Variants in CABIN1 observed in about 807,000 individuals in gnomAD.
The protein encoded by CABIN1 is calcineurin binding protein 1.
Under a neutral mutation model 227.7 loss-of-function variants are expected in CABIN1, and 133 were observed. That is an observed-to-expected ratio of 0.58 (90% CI 0.51 to 0.67). The LOEUF is 0.67. Ranked by LOEUF, CABIN1 falls within the 30% of genes least tolerant of loss-of-function variation. CABIN1 has a pLI of 0.00. For synonymous variants in CABIN1, 1,086 were observed against 1,155.1 expected (o/e 0.94, Z 1.21); for missense variants, 2,408 against 2,852.5 (o/e 0.84, Z 3.55).
chr22:24,093,602 C>T (rs573102508), intron 24 of CABIN1, among the ~76,000 whole-genome samples: 62 of 151,894 alleles, frequency 4.1e-4, no homozygotes, highest in Non-Finnish European at 6.8e-4. Context: ...GGCATGGTGG[C>T]TCACACCTAT....
At chr22:24,147,329 TCTCCTCCCTCCC>T (rs2045200519) in intron 29 of CABIN1, among the ~76,000 whole-genome samples, 1 of 46,604 alleles carries the variant, frequency 2.1e-5, no homozygotes, top group Admixed American at 2.6e-4. Flanking sequence ...CCCTCCCTCC[TCTCCTCCCTCCC>T]TCCCTGCCTC....
chr22:24,098,666 A>G (rs992666775), intron 26 of CABIN1, among the ~76,000 whole-genome samples: 23 of 151,962 alleles, frequency 1.5e-4, no homozygotes, highest in African/African-American at 5.6e-4. Context: ...GAATCCAGAT[A>G]AGTTGTTAAT....
intron 1 of CABIN1, among the ~76,000 whole-genome samples, chr22:24,025,048 A>G (rs750280644): frequency 2.0e-5 from 3 of 152,120 alleles, no homozygotes; most frequent in Non-Finnish European, 4.4e-5. Flanking sequence ...GATGGTTTCT[A>G]TCAAATTCCT....
At chr22:24,146,340 A>G (rs1291740321) in intron 29 of CABIN1, among the ~76,000 whole-genome samples, 2 of 152,212 alleles carry the variant, frequency 1.3e-5, no homozygotes, top group African/African-American at 4.8e-5. Flanking sequence ...TGGATTCTAA[A>G]TGTATCCCCG....
chr22:24,173,389 T>C (rs1279551097), intron 34 of CABIN1: 3 of 152,140 alleles, frequency 2.0e-5, no homozygotes, highest in Non-Finnish European at 4.4e-5. Context: ...GCTTTGAGGA[T>C]TGTGAACATG....
chr22:24,137,479 A>G (rs923978332), intron 29 of CABIN1, among the ~76,000 whole-genome samples: 3 of 152,250 alleles, frequency 2.0e-5, no homozygotes, highest in African/African-American at 7.2e-5. Context: ...GGCCTGGCAC[A>G]TAGGCAATGC....
intron 26 of CABIN1, among the ~76,000 whole-genome samples, chr22:24,105,031 T>C (rs2042432990): frequency 6.6e-6 from 1 of 152,204 alleles, no homozygotes; most frequent in Non-Finnish European, 1.5e-5. Flanking sequence ...AAGTTGCATC[T>C]TGTAACTAAA....
chr22:24,032,228 G>A (rs901420878), intron 1 of CABIN1, among the ~76,000 whole-genome samples: 2 of 152,094 alleles, frequency 1.3e-5, no homozygotes, highest in Non-Finnish European at 2.9e-5. Flanking sequence ...ACCTATAAGT[G>A]GAATCATATA....
intron 23 of CABIN1, among the ~76,000 whole-genome samples, chr22:24,088,743 G>A (rs2041344992): frequency 1.3e-5 from 2 of 151,968 alleles, no homozygotes; most frequent in Non-Finnish European, 2.9e-5. Context: ...TTTCTTTCCA[G>A]ACTGTAAAAA....
chr22:24,088,606 T>TA (rs945252341), intron 23 of CABIN1, among the ~76,000 whole-genome samples: 121 of 145,364 alleles, frequency 8.3e-4, no homozygotes, highest in African/African-American at 2.1e-3. Flanking sequence ...AGACTCTGTC[T>TA]AAAAAAAAAA....
At chr22:24,094,823 CAAA>C (rs201624847) in intron 24 of CABIN1, among the ~76,000 whole-genome samples, 2 of 78,370 alleles carry the variant, frequency 2.6e-5, no homozygotes, top group Non-Finnish European at 2.9e-5. Context: ...GACTCCGTCT[CAAA>C]AAAAAAAAAA....
intron 28 of CABIN1, among the ~76,000 whole-genome samples, chr22:24,132,323 T>C (rs1287198435): frequency 6.6e-6 from 1 of 152,212 alleles, no homozygotes; most frequent in Admixed American, 6.5e-5. Context: ...GTTTTATTCC[T>C]TTTAATGAAG....
intron 15 of CABIN1, among the ~76,000 whole-genome samples, chr22:24,065,521 C>T (rs2039573553): frequency 1.3e-5 from 2 of 148,452 alleles, no homozygotes; most frequent in African/African-American, 5.0e-5. Flanking sequence ...ACTTTCCAGA[C>T]TGGGCAGCCA....
At chr22:24,095,392 G>A (rs1319441546) in intron 24 of CABIN1, among the ~76,000 whole-genome samples, 1 of 152,214 alleles carries the variant, frequency 6.6e-6, no homozygotes, top group African/African-American at 2.4e-5. Flanking sequence ...GAAAGCACAG[G>A]GCCCAATGGA....
At chr22:24,130,278 C>T (rs1459131162) in intron 28 of CABIN1, among the ~76,000 whole-genome samples, 1 of 152,162 alleles carries the variant, frequency 6.6e-6, no homozygotes, top group African/African-American at 2.4e-5. Flanking sequence ...GCTCAGTGTT[C>T]AGCACACAGC....
At chr22:24,047,550 C>G (rs572504666) in intron 6 of CABIN1, among the ~76,000 whole-genome samples, 1 of 152,222 alleles carries the variant, frequency 6.6e-6, no homozygotes, top group African/African-American at 2.4e-5. Flanking sequence ...TTTGGACCAT[C>G]TATTGAGCAG....
At chr22:24,068,285 G>A (rs2039837235) in intron 16 of CABIN1, among the ~76,000 whole-genome samples, 1 of 152,200 alleles carries the variant, frequency 6.6e-6, no homozygotes, top group South Asian at 2.1e-4. Context: ...CGGATGAGAT[G>A]TGTGTGACCT....
intron 29 of CABIN1, among the ~76,000 whole-genome samples, chr22:24,144,314 C>T (rs2267061): frequency 0.055 from 8,315 of 152,302 alleles, 285 homozygotes; most frequent in East Asian, 0.15. Context: ...CTCCTCCTTG[C>T]CTCTCCAGGA....
chr22:24,164,616 C>T (rs2046344911), intron 30 of CABIN1, 53 bp downstream of exon 30: 8 of 1,578,982 alleles, frequency 5.1e-6, no homozygotes, highest in African/African-American at 1.3e-5. Context: ...GTCAGGGGCA[C>T]ACACACCCCA....
Sources: allele counts gnomAD v4.1 joint callset (sites outside exome capture counted in the v4.1 genomes callset), GRCh38; gene constraint gnomAD v4.1.1; transcripts MANE v1.5; gene names NCBI Gene and HGNC (gene_info 2026-07-23, HGNC 2026-07-21).